AFF2: variants seen among roughly 807,000 people sequenced by gnomAD.
The protein encoded by AFF2 is ALF transcription elongation factor 2.
In AFF2, 14 loss-of-function variants were observed where a neutral mutation model predicts 76.9. The ratio of observed to expected loss-of-function variants is 0.18; its 90% CI spans 0.12 to 0.28. The LOEUF (loss-of-function observed/expected upper bound fraction) is 0.28, where lower values mean the gene tolerates loss of function less well. Among genes scored for constraint, AFF2 ranks in the 10% least tolerant of loss-of-function variants. AFF2 has a pLI of 1.00. For missense variants in AFF2, 868 were observed against 1,001.1 expected (o/e 0.87, Z 1.79); for synonymous variants, 398 against 366.7 (o/e 1.09, Z -0.98).
chrX:148,876,919 G>T (rs1280742120), intron 7 of AFF2, among the ~76,000 whole-genome samples: 2 of 111,696 alleles, frequency 1.8e-5, no homozygotes, highest in African/African-American at 3.3e-5. Flanking sequence ...ATGCTATCAT[G>T]AGACAGTTTC....
intron 1 of AFF2, among the ~76,000 whole-genome samples, chrX:148,613,814 C>T (rs192761426): frequency 0.016 from 1,787 of 111,771 alleles, 21 homozygotes; most frequent in Non-Finnish European, 0.026. Context: ...AGAAACATTT[C>T]CAGGTCATTC....
intron 4 of AFF2, among the ~76,000 whole-genome samples, chrX:148,823,213 G>A (rs1164408676): frequency 9.0e-6 from 1 of 111,363 alleles, no homozygotes; most frequent in Non-Finnish European, 1.9e-5. Context: ...TGAAAGAACT[G>A]GGATTAAGAT....
intron 7 of AFF2, 103 bp from the exon 8 acceptor site, chrX:148,885,786 G>C: frequency 1.4e-6 from 1 of 697,042 alleles, no homozygotes; most frequent in African/African-American, 2.1e-5. Context: ...ATTTGCAGCT[G>C]TCAGATTGTA....
At chrX:148,759,106 C>T (rs1374329983) in intron 3 of AFF2, among the ~76,000 whole-genome samples, 1 of 111,888 alleles carries the variant, frequency 8.9e-6, no homozygotes, top group Non-Finnish European at 1.9e-5. Flanking sequence ...CAACAACAGT[C>T]CTGAATTTTC....
Position 148,958,467 on chromosome X carries a change from GC to G in AFF2, c.2690+12del. Reference sequence around the variant, plus strand: ...CCTCCCAACACTAGAGAGTGAGTTTGCCCTGGCCCTGTCTGATGGCTTGGTA... The same window carrying G: ...CCTCCCAACACTAGAGAGTGAGTTTGCCTGGCCCTGTCTGATGGCTTGGTA... On this transcript the variant is annotated intron_variant, in intron 12 of 20. Transcript: ENST00000370460. 2 of 1,205,408 alleles carry G rather than the reference GC, an allele frequency of 1.7e-6. No individual in the cohort carries two copies. The highest frequency in any genetic ancestry group is 2.3e-4 in the Middle Eastern group (1 of 4,305).
chrX:148,797,271 C>T (rs782202976), intron 3 of AFF2, among the ~76,000 whole-genome samples: 17 of 111,861 alleles, frequency 1.5e-4, no homozygotes, highest in Non-Finnish European at 3.0e-4. Context: ...TAAGCCAACC[C>T]GCTTGTTTTA....
At chrX:148,798,354 G>C (rs1260243169) in intron 3 of AFF2, among the ~76,000 whole-genome samples, 1 of 112,032 alleles carries the variant, frequency 8.9e-6, no homozygotes, top group African/African-American at 3.2e-5. Flanking sequence ...TCAACATGAC[G>C]TTTTGAAAGG....
intron 1 of AFF2, among the ~76,000 whole-genome samples, chrX:148,511,114 C>T (rs1557233064): frequency 8.9e-6 from 1 of 112,074 alleles, no homozygotes; most frequent in Non-Finnish European, 1.9e-5. Context: ...AGCAAAATCT[C>T]TCCCAAACAG....
chrX:148,609,478 C>T (rs968538269), intron 1 of AFF2, among the ~76,000 whole-genome samples: 2 of 111,592 alleles, frequency 1.8e-5, no homozygotes, highest in Admixed American at 9.5e-5. Flanking sequence ...ATTATTTGAG[C>T]TGTGGTCTGT....
At chrX:148,884,177 C>T (rs2071129811) in intron 7 of AFF2, among the ~76,000 whole-genome samples, 1 of 112,013 alleles carries the variant, frequency 8.9e-6, no homozygotes, top group African/African-American at 3.2e-5. Context: ...ATTTTTTCTC[C>T]TTCTCTAAGA....
chrX:148,638,263 T>C (rs904883160), intron 1 of AFF2, among the ~76,000 whole-genome samples: 4 of 111,747 alleles, frequency 3.6e-5, no homozygotes, highest in Non-Finnish European at 7.5e-5. Flanking sequence ...AGAGGTTTAA[T>C]TGACTCACAG....
intron 4 of AFF2, among the ~76,000 whole-genome samples, chrX:148,825,227 C>A (rs1168155398): frequency 8.9e-6 from 1 of 111,908 alleles, no homozygotes; most frequent in Non-Finnish European, 1.9e-5. Context: ...AAGCCTAGAG[C>A]TCAAAGCCAG....
chrX:148,865,573 C>G (rs782383076), intron 7 of AFF2, among the ~76,000 whole-genome samples: 18 of 111,713 alleles, frequency 1.6e-4, no homozygotes, highest in Non-Finnish European at 3.2e-4. Flanking sequence ...AGAATAGGTT[C>G]AATTAAAAAG....
Position 148,987,547 on chromosome X carries a change from A to G in AFF2, c.3804A>G (p.Arg1268=). The change falls in exon 20 of 21, where the codon AGA becomes AGG. Residue 1268 remains arginine (R), a synonymous_variant. Coordinates refer to ENST00000370460, the MANE Select transcript of AFF2 (RefSeq NM_002025.4). ...EHWDMADKLT[R]ENKEFFGDLD... ...GGGATATGGCCGACAAACTGACAAG[A>G]GAAAACAAAGGTATGCTCATCTGTT... 2.5e-6 allele frequency: 3 copies of G among 1,209,027 alleles called. No homozygotes were observed. The highest frequency in any genetic ancestry group is 3.4e-6 in the Non-Finnish European group (3 of 893,384).
chrX:148,824,714 G>A (rs1013790598), intron 4 of AFF2, among the ~76,000 whole-genome samples: 2 of 111,564 alleles, frequency 1.8e-5, no homozygotes, highest in Non-Finnish European at 3.8e-5. Flanking sequence ...ATTGGGTTGC[G>A]TGTGGCATGA....
intron 3 of AFF2, among the ~76,000 whole-genome samples, chrX:148,678,384 A>C (rs1034657566): frequency 4.4e-5 from 5 of 112,592 alleles, no homozygotes; most frequent in African/African-American, 1.6e-4. Flanking sequence ...CAGTACTCTG[A>C]GAAAACGGAA....
chrX:148,711,124 G>A (rs890479282), intron 3 of AFF2, among the ~76,000 whole-genome samples: 3 of 111,778 alleles, frequency 2.7e-5, no homozygotes, highest in Non-Finnish European at 5.6e-5. Flanking sequence ...AATAAAGGAT[G>A]AAGAAATTTT....
intron 1 of AFF2, among the ~76,000 whole-genome samples, chrX:148,537,716 G>T (rs1170619284): frequency 1.8e-5 from 2 of 110,426 alleles, no homozygotes; most frequent in African/African-American, 6.6e-5. Context: ...TTTCCTCCCT[G>T]CTGCTTAGCT....
chrX:148,870,414 T>G (rs1475215401), intron 7 of AFF2, among the ~76,000 whole-genome samples: 2 of 112,593 alleles, frequency 1.8e-5, no homozygotes, highest in African/African-American at 6.5e-5. Context: ...TCACATTCTT[T>G]GTAAGCAGCT....
Sources: gnomAD v4.1 joint callset for allele counts (sites outside exome capture counted in the v4.1 genomes callset) on GRCh38, gnomAD v4.1.1 for gene constraint, MANE v1.5 for transcripts, NCBI Gene and HGNC (gene_info 2026-07-23, HGNC 2026-07-21) for gene names.